Variants in RPS6KA1 observed in about 807,000 individuals in gnomAD.
RPS6KA1 encodes the protein ribosomal protein S6 kinase A1.
In RPS6KA1, 48 loss-of-function variants were observed where a neutral mutation model predicts 91.3. That is an observed-to-expected ratio of 0.53 (90% confidence interval 0.42 to 0.67). The LOEUF (loss-of-function observed/expected upper bound fraction) is 0.67. Ranked by LOEUF, RPS6KA1 falls within the 30% of genes least tolerant of loss-of-function variation. The pLI is 0.00. For missense variants in RPS6KA1, 719 were observed against 960.5 expected (o/e 0.75, Z 3.32); for synonymous variants, 359 against 384.7 (o/e 0.93, Z 0.78).
At chr1:26,545,699 G>T in intron 2 of RPS6KA1, 1 of 724,544 alleles carries the variant, frequency 1.4e-6, no homozygotes, top group Non-Finnish European at 2.1e-6. Flanking sequence ...CTCAGGCTCT[G>T]AGGAGAGGGG....
In RPS6KA1 at chr1:26,574,929, G is replaced by A. The variant is rs192064574; in HGVS notation, c.*728G>A. 3.5e-5 allele frequency: 6 copies of A among 173,552 alleles called. No individual in the cohort carries two copies. Among genetic ancestry groups the A allele is most frequent in the Admixed American group, 2.8e-4 (5 of 17,934 alleles). 10.8% of individuals were successfully genotyped at this position (173,552 alleles called of 1,614,324 possible). A position where few individuals can be genotyped will look rare whatever the true frequency, so the allele number is the denominator to read the frequency against. On this transcript the variant is annotated 3_prime_UTR_variant, in exon 22 of 22. Transcript: ENST00000374168. This position sits in a 1 kb window ranked among gnomAD's most constrained non-coding sequence, Gnocchi z 4.3. ...GACAGAGTTCACAGGAGGCCAGTGGGCGGGCCATGAGGGACAGGGTCTTTT... is the reference window on the plus strand; with the variant it reads ...GACAGAGTTCACAGGAGGCCAGTGGACGGGCCATGAGGGACAGGGTCTTTT...
At position 26,574,021 on chromosome 1, in the gene RPS6KA1, A is replaced by G. The variant is rs115857538; in HGVS notation, c.2086-58A>G. Reference sequence around the variant, plus strand: ...GGGCTGGCCTACCCTTGGGGCATGGATCCCCTCCCCGCTACATCTCCCACC... The same window carrying G: ...GGGCTGGCCTACCCTTGGGGCATGGGTCCCCTCCCCGCTACATCTCCCACC... On this transcript the variant is annotated intron_variant, in intron 21 of 21. Transcript: ENST00000374168. The surrounding 1 kb of genome is among the most constrained non-coding windows in gnomAD (Gnocchi z 4.3). The G allele has an allele frequency of 0.01, 16,341 of 1,579,424 alleles. 115 individuals carry two copies. The highest frequency in any genetic ancestry group is 0.012 in the Non-Finnish European group (13,657 of 1,156,248).
At chr1:26,552,783 G>A (rs1388968990) in intron 6 of RPS6KA1, 2 of 345,288 alleles carry the variant, frequency 5.8e-6, no homozygotes, top group Non-Finnish European at 1.2e-5. Context: ...GAGCCACCGT[G>A]CCCGGCTTAA....
rs948929068 is a variant in RPS6KA1 at position 26,571,386 on chromosome 1, C to T, written c.1591-63C>T. On this transcript the variant is annotated intron_variant, in intron 17 of 21. Coordinates refer to ENST00000374168, the MANE Select transcript of RPS6KA1 (RefSeq NM_002953.4). This position sits in a 1 kb window ranked among gnomAD's most constrained non-coding sequence, Gnocchi z 5.1. ...TCTGTGTAGCTTTCTAATCTCTGGC[C>T]GCTGACCTGGGCCACTAGCCACCTC... is the stretch of plus-strand genomic sequence containing the variant. The T allele has an allele frequency of 1.4e-4, 217 of 1,533,330 alleles. No homozygotes were observed. Among genetic ancestry groups the T allele is most frequent in the Non-Finnish European group, 1.8e-4 (196 of 1,112,418 alleles). The allele number at this position is 1,533,330 out of a possible 1,614,324, so 95.0% of individuals were successfully genotyped here. A position where few individuals can be genotyped will look rare whatever the true frequency, so the allele number is the denominator to read the frequency against.
intron 17 of RPS6KA1, among the ~76,000 whole-genome samples, chr1:26,563,236 C>CT (rs1557511384): frequency 3.3e-5 from 5 of 151,178 alleles, no homozygotes; most frequent in African/African-American, 9.7e-5. Context: ...ATCTCTCCCC[C>CT]TTTTTTTTGA....
Position 26,558,336 on chromosome 1 carries a change from C to T in RPS6KA1, c.1085-471C>T, listed in dbSNP as rs60945350. ...AGGATCTGAGAAGTCCAACATGGCTCAGCTGTGGTATGGAGAGAGAGGAGG... is the reference window on the plus strand; with the variant it reads ...AGGATCTGAGAAGTCCAACATGGCTTAGCTGTGGTATGGAGAGAGAGGAGG... On this transcript the variant is annotated intron_variant, in intron 13 of 21. Transcript: ENST00000374168. The surrounding 1 kb of genome is among the most constrained non-coding windows in gnomAD (Gnocchi z 4.0). Among the ~76,000 whole-genome samples, 2,543 of 152,238 alleles carry T rather than the reference C, an allele frequency of 0.017. 72 individuals carry two copies. The highest frequency in any genetic ancestry group is 0.058 in the African/African-American group (2,400 of 41,518).
Position 26,539,279 on chromosome 1 carries a change from C to A in RPS6KA1, c.108+2310C>A, listed in dbSNP as rs182547151. Among the ~76,000 whole-genome samples, 306 of 152,282 alleles carry A rather than the reference C, an allele frequency of 2.0e-3. 4 individuals are homozygous for A. Among genetic ancestry groups the A allele is most frequent in the Non-Finnish European group, 3.2e-3 (218 of 68,018 alleles). ...TGTGGACCAGAGACATGGTCATTGC[C>A]GTGCATGGCCGAGGAAGAAGAGTTG... On this transcript the variant is annotated intron_variant, in intron 2 of 21. Coordinates refer to ENST00000374168, the MANE Select transcript of RPS6KA1 (RefSeq NM_002953.4).
At chr1:26,564,980 A>C (rs1233675556) in intron 17 of RPS6KA1, among the ~76,000 whole-genome samples, 1 of 152,200 alleles carries the variant, frequency 6.6e-6, no homozygotes, top group Non-Finnish European at 1.5e-5. Flanking sequence ...AGTAAGGAGG[A>C]ACTTTCTGAA....
Position 26,551,705 on chromosome 1 carries a change from C to T in RPS6KA1, c.450C>T (p.Phe150=). 1 of 1,614,112 alleles carries T rather than the reference C, an allele frequency of 6.2e-7. No homozygotes were observed. Among genetic ancestry groups the T allele is most frequent in the Non-Finnish European group, 8.5e-7 (1 of 1,179,954 alleles). ...ILDFLRGGDL[F]TRLSKEVMFT... Reference sequence around the variant, plus strand: ...ACTTCCTGCGTGGTGGGGACCTCTTCACCCGGCTCTCAAAAGAGGTGAGCT... The same window carrying T: ...ACTTCCTGCGTGGTGGGGACCTCTTTACCCGGCTCTCAAAAGAGGTGAGCT... Residue 150 remains phenylalanine, a synonymous_variant, in exon 6 of 22, where the codon TTC becomes TTT. Coordinates refer to ENST00000374168, the MANE Select transcript of RPS6KA1 (RefSeq NM_002953.4). This position sits in a 1 kb window ranked among gnomAD's most constrained non-coding sequence, Gnocchi z 4.5.
At position 26,551,272 on chromosome 1, in the gene RPS6KA1, G is replaced by A; in HGVS notation, c.308-125G>A. On this transcript the variant is annotated intron_variant, in intron 4 of 21. Transcript: ENST00000374168. The surrounding 1 kb of genome is among the most constrained non-coding windows in gnomAD (Gnocchi z 4.5). ...GAGGATTGAGTGTCCCCAAAGCCCT[G>A]GGTGAGGGGGCTTTGGGAGCTCAGG... is the stretch of plus-strand genomic sequence containing the variant. The A allele has an allele frequency of 1.3e-6, 1 of 777,666 alleles. No homozygotes were observed. Among genetic ancestry groups the A allele is most frequent in the Non-Finnish European group, 2.2e-6 (1 of 459,064 alleles). The allele number at this position is 777,666 out of a possible 1,614,324, so 48.2% of individuals were successfully genotyped here. A position where few individuals can be genotyped will look rare whatever the true frequency, so the allele number is the denominator to read the frequency against.
chr1:26,559,870 T>C (rs2076139272), intron 14 of RPS6KA1, among the ~76,000 whole-genome samples: 1 of 152,012 alleles, frequency 6.6e-6, no homozygotes, highest in Non-Finnish European at 1.5e-5. Context: ...GAAGGGTGGA[T>C]TGCTTGAGGC....
At chr1:26,543,749 C>G (rs754321191) in intron 2 of RPS6KA1, among the ~76,000 whole-genome samples, 1 of 152,172 alleles carries the variant, frequency 6.6e-6, no homozygotes, top group Non-Finnish European at 1.5e-5. Flanking sequence ...CCAGGCCAGG[C>G]AGTAAGCAGG....
rs1189992168 is a variant in RPS6KA1, at chr1:26,553,406, G to A, written c.484G>A (p.Glu162Lys). The A allele has an allele frequency of 1.2e-6, 2 of 1,612,292 alleles. No individual in the cohort carries two copies. Among genetic ancestry groups the A allele is most frequent in the Middle Eastern group, 1.7e-4 (1 of 6,056 alleles). Residue 162 changes from glutamate to lysine, a missense_variant, in exon 7 of 22, where the codon GAG becomes AAG. By Grantham distance (56) the Glu-to-Lys change is moderately conservative (BLOSUM62 1). This residue lies in a region of RPS6KA1 where 159 missense variants were observed against 264.5 expected (regional missense o/e 0.60). Transcript: ENST00000374168. ...RLSKEVMFTE[E>K]DVKFYLAELA... Reference sequence around the variant, plus strand: ...TCTTTTGCAGGTGATGTTCACGGAGGAGGATGTGAAGTTTTACCTGGCTGA... The same window carrying A: ...TCTTTTGCAGGTGATGTTCACGGAGAAGGATGTGAAGTTTTACCTGGCTGA...
In RPS6KA1 at chr1:26,558,840, A is replaced by G. The variant is rs1272249917; in HGVS notation, c.1118A>G (p.His373Arg). ...GGCATCCCCCCCAGCGCTGGGGCCC[A>G]TCAGCTGTTCCGGGGCTTCAGCTTC... ...SPGIPPSAGAHQLFRGFSFVA... is the reference protein window; with the variant it reads ...SPGIPPSAGARQLFRGFSFVA... The change falls in exon 14 of 22, where the codon CAT becomes CGT. Residue 373 changes from histidine to arginine, a missense_variant. Physicochemically the swap from His to Arg is conservative, Grantham distance 29. Coordinates refer to ENST00000374168, the MANE Select transcript of RPS6KA1 (RefSeq NM_002953.4). The surrounding 1 kb of genome is among the most constrained non-coding windows in gnomAD (Gnocchi z 4.0). 1 of 1,613,254 alleles carries G rather than the reference A, an allele frequency of 6.2e-7. No individual in the cohort carries two copies. The highest frequency in any genetic ancestry group is 2.2e-5 in the East Asian group (1 of 44,836).
intron 2 of RPS6KA1, among the ~76,000 whole-genome samples, chr1:26,537,541 C>T (rs2075916084): frequency 6.6e-6 from 1 of 152,176 alleles, no homozygotes; most frequent in African/African-American, 2.4e-5. Flanking sequence ...GCCCCTGTTG[C>T]TGGTTTTGTG....
At chr1:26,531,768 C>G (rs2075869141) in intron 1 of RPS6KA1, among the ~76,000 whole-genome samples, 1 of 152,170 alleles carries the variant, frequency 6.6e-6, no homozygotes, top group African/African-American at 2.4e-5. Flanking sequence ...GTGGCAAGTG[C>G]TAGGTTCTAG....
Position 26,560,793 on chromosome 1 carries a change from C to T in RPS6KA1, c.1283C>T (p.Ser428Phe), listed in dbSNP as rs893340655. 3.1e-6 allele frequency: 5 copies of T among 1,614,080 alleles called. No individual in the cohort carries two copies. The Admixed American group carries it at 5.0e-5, about 16-fold the overall frequency. ...YVVKETIGVG[S>F]YSECKRCVHK... ...GTAAAGGAGACAATTGGTGTGGGCT[C>T]CTACTCTGAGTGCAAGCGCTGTGTC... The change falls in exon 15 of 22, where the codon TCC (serine) becomes TTC (phenylalanine). Residue 428 changes from serine (S) to phenylalanine (F), a missense_variant. Ser to Phe is a radical substitution (Grantham distance 155). Around this residue, in one of 5 missense-constraint regions of RPS6KA1, gnomAD observed 228 missense variants for 247.6 expected, o/e 0.92. Coordinates refer to ENST00000374168, the MANE Select transcript of RPS6KA1 (RefSeq NM_002953.4).
At chr1:26,556,519 T>C (rs1320485488) in intron 11 of RPS6KA1, 135 bp from the exon 12 acceptor site, 1 of 838,148 alleles carries the variant, frequency 1.2e-6, no homozygotes. Flanking sequence ...GCTGGGTAGA[T>C]TTGAGGCTGA....
At chr1:26,543,437 C>T (rs910490272) in intron 2 of RPS6KA1, among the ~76,000 whole-genome samples, 5 of 152,192 alleles carry the variant, frequency 3.3e-5, no homozygotes, top group African/African-American at 1.2e-4. Flanking sequence ...CCCTCTTAGT[C>T]CCTCTTTGAG....
Sources: gnomAD v4.1 joint callset for allele counts (sites outside exome capture counted in the v4.1 genomes callset) on GRCh38, gnomAD v4.1.1 for gene constraint, gnomAD v4.1.1 regional missense constraint, Gnocchi (gnomAD v3.1) non-coding constraint, MANE v1.5 for transcripts, NCBI Gene and HGNC (gene_info 2026-07-23, HGNC 2026-07-21) for gene names.